Variants in EBF4 observed in about 807,000 individuals in gnomAD.
The protein encoded by EBF4 is transcription factor COE4.
In EBF4, 34 loss-of-function variants were observed where a neutral mutation model predicts 67.1. That is an observed-to-expected ratio of 0.51 (90% CI 0.39 to 0.67). The LOEUF is 0.67. Ranked by LOEUF, EBF4 falls within the 30% of genes least tolerant of loss-of-function variation. EBF4 has a pLI of 0.00. For synonymous variants in EBF4, 387 were observed against 377.7 expected (o/e 1.02, Z -0.29); for missense variants, 837 against 873.3 (o/e 0.96, Z 0.52).
chr20:2,717,145 A>G (rs1413558299), intron 6 of EBF4, among the ~76,000 whole-genome samples: 3 of 152,174 alleles, frequency 2.0e-5, no homozygotes, highest in African/African-American at 7.2e-5. Context: ...ATAGTTTTAT[A>G]ATTTTTTCAA....
At chr20:2,759,726 GA>G, downstream of EBF4, 1 of 152,460 alleles carries the variant, frequency 6.6e-6, no homozygotes. Context: ...TCTCTGCAGC[GA>G]AAGGGTGGCG....
intron 6 of EBF4, among the ~76,000 whole-genome samples, chr20:2,736,669 T>A (rs6115655): frequency 0.089 from 13,574 of 152,182 alleles, 1,142 homozygotes; most frequent in African/African-American, 0.18. Flanking sequence ...GTTTCCCTCT[T>A]GCCACCTGAA....
exon 13 of EBF4, chr20:2,752,125 C>T: frequency 6.9e-7 from 1 of 1,443,594 alleles, no homozygotes; most frequent in Non-Finnish European, 9.1e-7. Context: ...GGCCGAGGCT[C>T]TGTACAGCAC....
chr20:2,758,819 C>T, intron 15 of EBF4, 90 bp from the exon 16 acceptor site: 1 of 1,182,422 alleles, frequency 8.5e-7, no homozygotes, highest in East Asian at 2.6e-5. Flanking sequence ...GCTATATCCC[C>T]TGCCTGCTGT....
At chr20:2,697,414 G>A (rs6051246) in intron 1 of EBF4, among the ~76,000 whole-genome samples, 38,629 of 150,216 alleles carry the variant, frequency 0.26, 4,388 homozygotes, top group Admixed American at 0.35. Context: ...GCGTGGTGGC[G>A]GGCGCCTGTA....
At chr20:2,743,462 C>T (rs2087998294) in intron 6 of EBF4, among the ~76,000 whole-genome samples, 1 of 152,210 alleles carries the variant, frequency 6.6e-6, no homozygotes, top group Non-Finnish European at 1.5e-5. Flanking sequence ...ATGTCAAAAG[C>T]GTGATTCTCA....
rs930176402 is a variant in EBF4 at position 2,693,797 on chromosome 20, C to T, written c.137+15C>T. 3.1e-6 allele frequency: 4 copies of T among 1,281,176 alleles called. No homozygotes were observed. In the South Asian group the frequency reaches 7.2e-5, roughly 23 times the overall value. 79.4% of individuals were successfully genotyped at this position (1,281,176 alleles called of 1,614,324 possible). ...GCGGCGCAGAGGTAAGCGCTCGGAC[C>T]GGACCCGGTGCGCTCGGGTTGGACG... is the stretch of plus-strand genomic sequence containing the variant. On this transcript the variant is annotated intron_variant, in intron 1 of 16. Coordinates refer to ENST00000609451, the Ensembl canonical transcript of EBF4. The surrounding 1 kb of genome is among the most constrained non-coding windows in gnomAD (Gnocchi z 4.6).
chr20:2,751,761 C>T lies in EBF4; in HGVS notation c.1080C>T (p.His360=). Residue 360 remains histidine (H), a synonymous_variant, in exon 11 of 17, where the codon CAC becomes CAT. Coordinates refer to ENST00000609451, the Ensembl canonical transcript of EBF4. This position sits in a 1 kb window ranked among gnomAD's most constrained non-coding sequence, Gnocchi z 5.2. ...GGCTACAGAAAGTCATTCCCAGACACCCCGGAGACCCCGAGAGGCTGCCCA... is the reference window on the plus strand; with the variant it reads ...GGCTACAGAAAGTCATTCCCAGACATCCCGGAGACCCCGAGAGGCTGCCCA... 7 of 1,550,624 alleles carry T rather than the reference C, an allele frequency of 4.5e-6. No homozygotes were observed. The highest frequency in any genetic ancestry group is 6.1e-6 in the Non-Finnish European group (7 of 1,146,854).
intron 1 of EBF4, among the ~76,000 whole-genome samples, chr20:2,698,764 G>A (rs1022828979): frequency 9.2e-5 from 14 of 152,276 alleles, no homozygotes; most frequent in Admixed American, 2.6e-4. Context: ...CTTGTCCCCC[G>A]TAGCCCTAGC....
chr20:2,703,187 G>A (rs1176442365), intron 1 of EBF4, among the ~76,000 whole-genome samples: 1 of 150,624 alleles, frequency 6.6e-6, no homozygotes, highest in East Asian at 2.0e-4. Context: ...AGTCCCAGAG[G>A]TTGAGGCTAC....
chr20:2,746,003 CT>C (rs2088045003), intron 6 of EBF4, among the ~76,000 whole-genome samples: 1 of 152,156 alleles, frequency 6.6e-6, no homozygotes, highest in Non-Finnish European at 1.5e-5. Flanking sequence ...GTGTTTTTCC[CT>C]CCATCTAGCA....
chr20:2,750,769 A>C (rs1258313119), intron 10 of EBF4, among the ~76,000 whole-genome samples: 1 of 152,182 alleles, frequency 6.6e-6, no homozygotes. Context: ...CTGACAATCA[A>C]GGAAAACCTT....
intron 2 of EBF4, 35 bp downstream of exon 2, chr20:2,705,768 C>T (rs781205542): frequency 5.9e-6 from 9 of 1,520,244 alleles, no homozygotes; most frequent in East Asian, 4.9e-5. Flanking sequence ...GGACTGGCCC[C>T]GGGAGGGAAC....
At chr20:2,741,799 A>G (rs1053479256) in intron 6 of EBF4, among the ~76,000 whole-genome samples, 2 of 152,176 alleles carry the variant, frequency 1.3e-5, no homozygotes, top group African/African-American at 4.8e-5. Context: ...CTTTCATTAA[A>G]GTTTTTATTG....
Position 2,747,408 on chromosome 20 carries a change from C to G in EBF4, c.558-1141C>G, listed in dbSNP as rs1204660560. Among the ~76,000 whole-genome samples, 1 of 152,038 alleles carries G rather than the reference C, an allele frequency of 6.6e-6. No individual in the cohort carries two copies. Among genetic ancestry groups the G allele is most frequent in the Non-Finnish European group, 1.5e-5 (1 of 68,028 alleles). On this transcript the variant is annotated intron_variant, in intron 6 of 16. Coordinates refer to ENST00000609451, the Ensembl canonical transcript of EBF4. The surrounding 1 kb of genome is among the most constrained non-coding windows in gnomAD (Gnocchi z 4.6). ...GTAGGTGACAGGACCAAGGACCCAC[C>G]CTCCCAGCCAACTGCCAGGAAGGAG...
chr20:2,717,817 T>TG (rs1014689682), intron 6 of EBF4, among the ~76,000 whole-genome samples: 11 of 151,518 alleles, frequency 7.3e-5, no homozygotes, highest in Admixed American at 2.6e-4. Context: ...GGCATTCTTT[T>TG]TTTTTTTTTT....
chr20:2,754,041 T>G (rs1045011354), intron 14 of EBF4, among the ~76,000 whole-genome samples: 1 of 152,034 alleles, frequency 6.6e-6, no homozygotes, highest in Non-Finnish European at 1.5e-5. Flanking sequence ...TGCCCCAGTG[T>G]GCAGAACCCA....
intron 8 of EBF4, 42 bp from the exon 9 acceptor site, chr20:2,749,578 C>T: frequency 6.5e-7 from 1 of 1,546,930 alleles, no homozygotes; most frequent in South Asian, 1.2e-5. Flanking sequence ...CAGGCCCCAC[C>T]TCAGCGCGGT....
At chr20:2,734,794 G>T (rs2087856610) in intron 6 of EBF4, among the ~76,000 whole-genome samples, 2 of 152,220 alleles carry the variant, frequency 1.3e-5, no homozygotes, top group South Asian at 2.1e-4. Flanking sequence ...TTGCCAAAAG[G>T]TTCTGTATGT....
Sources: allele counts gnomAD v4.1 joint callset (sites outside exome capture counted in the v4.1 genomes callset), GRCh38; gene constraint gnomAD v4.1.1; non-coding constraint Gnocchi (gnomAD v3.1); transcripts MANE v1.5; gene names NCBI Gene and HGNC (gene_info 2026-07-23, HGNC 2026-07-21).